Variants in RRAGB observed in about 807,000 individuals in gnomAD.
RRAGB encodes ras-related GTP-binding protein B.
In RRAGB, 6 loss-of-function variants were observed where a neutral mutation model predicts 29.3. That is an observed-to-expected ratio of 0.21 (90% CI 0.11 to 0.40). The LOEUF (loss-of-function observed/expected upper bound fraction) is 0.40, where lower values mean the gene tolerates loss of function less well. RRAGB is among the 10% of genes least tolerant of loss of function. The pLI is 1.00. For missense variants in RRAGB, 184 were observed against 272.9 expected (o/e 0.67, Z 2.29); for synonymous variants, 101 against 92.5 (o/e 1.09, Z -0.53).
intron 5 of RRAGB, among the ~76,000 whole-genome samples, chrX:55,735,501 A>G (rs777419370): frequency 5.0e-4 from 56 of 112,555 alleles, no homozygotes; most frequent in Non-Finnish European, 9.4e-4. Context: ...AGTCTATAAG[A>G]ATCTTTACAA....
chrX:55,737,500 A>C (rs1303507064), intron 5 of RRAGB, among the ~76,000 whole-genome samples: 1 of 112,149 alleles, frequency 8.9e-6, no homozygotes, highest in African/African-American at 3.2e-5. Context: ...CTTCATGAGC[A>C]CTGGAGCTGC....
intron 5 of RRAGB, among the ~76,000 whole-genome samples, chrX:55,736,356 C>T (rs2033863677): frequency 8.9e-6 from 1 of 112,205 alleles, no homozygotes; most frequent in Admixed American, 9.4e-5. Context: ...GCCTTGTCTT[C>T]AAGCTCTGAA....
chrX:55,756,900 A>G (rs1054095885), intron 8 of RRAGB, among the ~76,000 whole-genome samples: 6 of 111,701 alleles, frequency 5.4e-5, no homozygotes, highest in African/African-American at 2.0e-4. Context: ...GGCTGCAATG[A>G]GCCATGATGG....
At chrX:55,727,356 C>A in intron 3 of RRAGB, 1 of 935,497 alleles carries the variant, frequency 1.1e-6, no homozygotes, top group Non-Finnish European at 1.6e-6. Flanking sequence ...TGAGCACCTA[C>A]TCTCTCGTAG....
chrX:55,753,463 T>A lies in RRAGB; in HGVS notation c.684T>A (p.Ala228=). Residue 228 remains alanine (A), a synonymous_variant, in exon 7 of 10, where the codon GCT becomes GCA. Coordinates refer to ENST00000374941, the MANE Select transcript of RRAGB (RefSeq NM_006064.5). ...TGGAAATGAACCTAAGGAATTTTGC[T>A]GAAATTATCGAAGCTGATGAAGTAC... is the stretch of plus-strand genomic sequence containing the variant. The part of the protein sequence containing the change: ...QQLEMNLRNF[A]EIIEADEVLL... The A allele has an allele frequency of 8.3e-7, 1 of 1,203,793 alleles. No homozygotes were observed. The highest frequency in any genetic ancestry group is 1.1e-6 in the Non-Finnish European group (1 of 889,222).
chrX:55,722,160 T>C (rs760757214), intron 2 of RRAGB, 26 bp from the exon 3 acceptor site: 1 of 1,015,467 alleles, frequency 9.8e-7, no homozygotes, highest in South Asian at 2.1e-5. Context: ...ACTTTTTTCC[T>C]TTCCTTTTCC....
intron 5 of RRAGB, among the ~76,000 whole-genome samples, chrX:55,736,939 T>C (rs1409919824): frequency 8.0e-5 from 9 of 112,204 alleles, no homozygotes; most frequent in African/African-American, 2.9e-4. Context: ...GGGAAAAAAA[T>C]AACAAAGTGC....
At chrX:55,738,663 A>AT (rs768631173) in intron 5 of RRAGB, among the ~76,000 whole-genome samples, 1 of 112,141 alleles carries the variant, frequency 8.9e-6, no homozygotes, top group East Asian at 2.8e-4. Context: ...GTGTCAGCAG[A>AT]TGTTGTAATG....
intron 3 of RRAGB, among the ~76,000 whole-genome samples, chrX:55,723,095 G>A (rs2033346747): frequency 9.0e-6 from 1 of 111,623 alleles, no homozygotes; most frequent in African/African-American, 3.3e-5. Flanking sequence ...CGTGCTTGGA[G>A]TGTAAGTGTA....
In RRAGB at chrX:55,729,337, A is replaced by G. The variant is rs775789778; in HGVS notation, c.270A>G (p.Val90=). 8.3e-7 allele frequency: 1 copy of G among 1,200,097 alleles called. No homozygotes were observed. Among genetic ancestry groups the G allele is most frequent in the South Asian group, 1.8e-5 (1 of 56,522 alleles). ...HSHVRFLGNL[V]LNLWDCGGQD... ...ATGTTCGATTTCTGGGAAACCTGGT[A>G]TTGAACCTGTGGGATTGTGGTGGGT... Residue 90 remains valine (V), a synonymous_variant, in exon 4 of 10, where the codon GTA becomes GTG. Transcript: ENST00000374941.
intron 3 of RRAGB, among the ~76,000 whole-genome samples, chrX:55,727,064 G>T (rs2033505475): frequency 1.8e-5 from 2 of 111,392 alleles, no homozygotes; most frequent in Non-Finnish European, 3.8e-5. Context: ...CAAGAGAAGA[G>T]AATTTTTTGA....
chrX:55,751,540 G>C (rs1050748582), intron 6 of RRAGB: 1 of 137,953 alleles, frequency 7.2e-6, no homozygotes, highest in Admixed American at 8.6e-5. Context: ...GTTGTATCTA[G>C]TATTCAGGTA....
chrX:55,743,704 T>G (rs764536066), intron 5 of RRAGB, among the ~76,000 whole-genome samples: 7 of 112,573 alleles, frequency 6.2e-5, no homozygotes, highest in African/African-American at 9.7e-5. Flanking sequence ...TATATACCTC[T>G]TCCACAGACC....
At chrX:55,748,436 C>T (rs1477038279) in intron 5 of RRAGB, among the ~76,000 whole-genome samples, 6 of 108,245 alleles carry the variant, frequency 5.5e-5, no homozygotes, top group Non-Finnish European at 7.7e-5. Flanking sequence ...TGCCTCTTCC[C>T]GGCCGCCATC....
At chrX:55,727,141 G>A (rs2033507388) in intron 3 of RRAGB, among the ~76,000 whole-genome samples, 1 of 111,590 alleles carries the variant, frequency 9.0e-6, no homozygotes, top group Non-Finnish European at 1.9e-5. Flanking sequence ...CACTGGATTT[G>A]GTTATGGGGC....
chrX:55,718,502 C>T lies in RRAGB; in HGVS notation c.92+83C>T, dbSNP rs1053836619. 7.3e-6 allele frequency: 4 copies of T among 544,850 alleles called. No individual in the cohort carries two copies. The Admixed American group carries it at 1.2e-4, about 16-fold the overall frequency. 44.9% of individuals were successfully genotyped at this position (544,850 alleles called of 1,213,427 possible). A position where few individuals can be genotyped will look rare whatever the true frequency, so the allele number is the denominator to read the frequency against. ...TTGTGAATTAGAACACTTCTCCCCA[C>T]CCCGCACCATGATAAATTGCTTTGA... On this transcript the variant is annotated intron_variant, in intron 1 of 9. Coordinates refer to ENST00000374941, the MANE Select transcript of RRAGB (RefSeq NM_006064.5).
At chrX:55,739,979 GT>G (rs1343612738) in intron 5 of RRAGB, among the ~76,000 whole-genome samples, 1 of 111,899 alleles carries the variant, frequency 8.9e-6, no homozygotes, top group African/African-American at 3.2e-5. Flanking sequence ...AGGTAAAATG[GT>G]TAGTGTACTT....
chrX:55,727,622 T>C (rs953950181), intron 3 of RRAGB, among the ~76,000 whole-genome samples: 2 of 111,765 alleles, frequency 1.8e-5, no homozygotes, highest in Non-Finnish European at 3.8e-5. Context: ...GTAGAGCTGA[T>C]ATTTGAATGA....
At chrX:55,737,365 G>A (rs1484512846) in intron 5 of RRAGB, among the ~76,000 whole-genome samples, 2 of 112,624 alleles carry the variant, frequency 1.8e-5, no homozygotes, top group African/African-American at 3.2e-5. Context: ...CTGTGGAGAT[G>A]TAGTCACCCT....
Sources: allele counts gnomAD v4.1 joint callset (sites outside exome capture counted in the v4.1 genomes callset), GRCh38; gene constraint gnomAD v4.1.1; transcripts MANE v1.5; gene names NCBI Gene and HGNC (gene_info 2026-07-23, HGNC 2026-07-21).